The following BMP6 variants were observed in gnomAD, a reference collection of about 807,000 sequenced individuals.
BMP6 encodes the protein bone morphogenetic protein 6, also known as VG-1-R.
A neutral mutation model predicts 54.1 loss-of-function variants in BMP6; 17 were observed. The observed-to-expected ratio is 0.31, with a 90% CI of 0.22 to 0.47. The LOEUF (loss-of-function observed/expected upper bound fraction) is 0.47, where lower values mean the gene tolerates loss of function less well. Ranked by LOEUF, BMP6 falls within the 20% of genes least tolerant of loss-of-function variation. BMP6 has a pLI of 1.00. For synonymous variants in BMP6, 328 were observed against 291.2 expected (o/e 1.13, Z -1.28); for missense variants, 720 against 690.4 (o/e 1.04, Z -0.48).
At chr6:7,843,394 A>G (rs1295722589) in intron 1 of BMP6, among the ~76,000 whole-genome samples, 1 of 150,962 alleles carries the variant, frequency 6.6e-6, no homozygotes, top group Non-Finnish European at 1.5e-5. Context: ...GCCATTGAGG[A>G]CTTAGATTCT....
intron 1 of BMP6, among the ~76,000 whole-genome samples, chr6:7,779,807 G>A (rs1317195467): frequency 6.6e-6 from 1 of 152,050 alleles, no homozygotes; most frequent in East Asian, 1.9e-4. Flanking sequence ...AGGGGGAGAG[G>A]GGTACTCAAA....
intron 2 of BMP6, among the ~76,000 whole-genome samples, chr6:7,858,510 A>G (rs915819380): frequency 4.6e-5 from 7 of 152,110 alleles, no homozygotes; most frequent in African/African-American, 1.7e-4. Context: ...GCCCTTGGAC[A>G]GTACTTTCAG....
intron 1 of BMP6, among the ~76,000 whole-genome samples, chr6:7,753,224 T>C (rs1004067959): frequency 1.3e-5 from 2 of 152,234 alleles, no homozygotes; most frequent in Admixed American, 1.3e-4. Flanking sequence ...TCTTCTAAAG[T>C]GACTTCGCCC....
At chr6:7,861,701 C>T in intron 3 of BMP6, 102 bp downstream of exon 3, 1 of 1,493,066 alleles carries the variant, frequency 6.7e-7, no homozygotes, top group East Asian at 2.3e-5. Context: ...GGCAAGTCCT[C>T]AGCTTCAGGA....
intron 1 of BMP6, among the ~76,000 whole-genome samples, chr6:7,786,785 A>G: frequency 6.6e-6 from 1 of 152,144 alleles, no homozygotes; most frequent in East Asian, 1.9e-4. Flanking sequence ...ATCAGGTAGA[A>G]AAGCCCCATG....
chr6:7,762,875 C>T (rs1757633085), intron 1 of BMP6, among the ~76,000 whole-genome samples: 1 of 152,224 alleles, frequency 6.6e-6, no homozygotes, highest in Non-Finnish European at 1.5e-5. Flanking sequence ...GATGTTTAAG[C>T]CGCCGTGCGA....
intron 1 of BMP6, among the ~76,000 whole-genome samples, chr6:7,796,602 G>A (rs767805538): frequency 2.0e-5 from 3 of 152,018 alleles, no homozygotes; most frequent in Non-Finnish European, 2.9e-5. Flanking sequence ...AAAACCATCC[G>A]TATGCCCTAA....
At chr6:7,863,450 G>A (rs190060563) in intron 4 of BMP6, among the ~76,000 whole-genome samples, 6 of 152,282 alleles carry the variant, frequency 3.9e-5, no homozygotes, top group Admixed American at 3.9e-4. Context: ...GTGGTTCCAG[G>A]ATTTTTGTTA....
At chr6:7,736,929 T>C (rs1761964549) in intron 1 of BMP6, among the ~76,000 whole-genome samples, 1 of 152,194 alleles carries the variant, frequency 6.6e-6, no homozygotes, top group Non-Finnish European at 1.5e-5. Context: ...GGCTCACACC[T>C]GTAATCCCAG....
At chr6:7,841,238 A>G (rs989624413) in intron 1 of BMP6, among the ~76,000 whole-genome samples, 1 of 152,204 alleles carries the variant, frequency 6.6e-6, no homozygotes, top group Non-Finnish European at 1.5e-5. Context: ...CATGTCACCA[A>G]CACTCTTAAC....
intron 1 of BMP6, among the ~76,000 whole-genome samples, chr6:7,805,036 C>T (rs1301316412): frequency 6.6e-6 from 1 of 152,148 alleles, no homozygotes; most frequent in Non-Finnish European, 1.5e-5. Flanking sequence ...ACTATTAAAT[C>T]CTAAGCAATT....
At chr6:7,877,972 T>G (rs542057849) in intron 4 of BMP6, among the ~76,000 whole-genome samples, 1 of 152,296 alleles carries the variant, frequency 6.6e-6, no homozygotes, top group East Asian at 1.9e-4. Flanking sequence ...ACTTTGTGCC[T>G]CTGGTGGGAA....
At chr6:7,738,280 C>T (rs1252841278) in intron 1 of BMP6, among the ~76,000 whole-genome samples, 2 of 152,164 alleles carry the variant, frequency 1.3e-5, no homozygotes, top group Non-Finnish European at 2.9e-5. Flanking sequence ...TTGTGTCAGA[C>T]CCAGGCCTCT....
intron 4 of BMP6, among the ~76,000 whole-genome samples, chr6:7,867,473 TG>T (rs1160538248): frequency 1.3e-5 from 2 of 152,220 alleles, no homozygotes; most frequent in Non-Finnish European, 2.9e-5. Flanking sequence ...ATTGTTACAG[TG>T]TCCTCACTAC....
At position 7,866,239 on chromosome 6, in the gene BMP6, G is replaced by T. The variant is rs546343687; in HGVS notation, c.1204+3741G>T. ...TAGCCTCTGCATGGTATCATTTATT[G>T]TTTTTACACATGTTTGACTAGTCCT... On this transcript the variant is annotated intron_variant, in intron 4 of 6. Transcript: ENST00000283147. 1.2e-3 allele frequency among the ~76,000 whole-genome samples: 189 copies of T among 152,342 alleles called. 1 individual carries two copies. The highest frequency in any genetic ancestry group is 4.4e-3 in the African/African-American group (183 of 41,574).
chr6:7,801,000 T>C (rs2113197729), intron 1 of BMP6, among the ~76,000 whole-genome samples: 1 of 152,058 alleles, frequency 6.6e-6, no homozygotes, highest in South Asian at 2.1e-4. Context: ...TTGCTGCAGG[T>C]ACCTAAGTTT....
At chr6:7,765,059 C>T (rs962710825) in intron 1 of BMP6, among the ~76,000 whole-genome samples, 5 of 152,180 alleles carry the variant, frequency 3.3e-5, no homozygotes, top group Non-Finnish European at 7.3e-5. Flanking sequence ...TGGCTTTTTG[C>T]AGTTGTATTC....
chr6:7,813,042 G>C lies in BMP6; in HGVS notation c.665-32098G>C, dbSNP rs112557673. Reference sequence around the variant, plus strand: ...ATTCCAGCACTGGAGGCTGAGGCAGGTATTCAAGATCAGCCTGAGCAACAT... The same window carrying C: ...ATTCCAGCACTGGAGGCTGAGGCAGCTATTCAAGATCAGCCTGAGCAACAT... On this transcript the variant is annotated intron_variant, in intron 1 of 6. Transcript: ENST00000283147. Among the ~76,000 whole-genome samples, 117 of 125,494 alleles carry C rather than the reference G, an allele frequency of 9.3e-4. 1 individual carries two copies. Among genetic ancestry groups the C allele is most frequent in the African/African-American group, 3.5e-3 (115 of 32,538 alleles). 82.3% of individuals were successfully genotyped at this position (125,494 alleles called of 152,430 possible).
intron 1 of BMP6, among the ~76,000 whole-genome samples, chr6:7,728,695 G>T (rs1214350749): frequency 6.6e-6 from 1 of 152,188 alleles, no homozygotes; most frequent in African/African-American, 2.4e-5. Context: ...GGCTACGCCC[G>T]GGATGGTTGC....
Sources: allele counts gnomAD v4.1 joint callset (sites outside exome capture counted in the v4.1 genomes callset), GRCh38; gene constraint gnomAD v4.1.1; transcripts MANE v1.5; gene names NCBI Gene and HGNC (gene_info 2026-07-23, HGNC 2026-07-21).